PTPRN2: variants seen among roughly 807,000 people sequenced by gnomAD.
PTPRN2 encodes the protein protein tyrosine phosphatase receptor type N2, also known as receptor-type tyrosine-protein phosphatase N2.
PTPRN2 carries 74 observed loss-of-function variants against 118.8 expected under a neutral mutation model. That is an observed-to-expected ratio of 0.62 (90% CI 0.52 to 0.76). The LOEUF (loss-of-function observed/expected upper bound fraction) is 0.76, where lower values mean the gene tolerates loss of function less well. Among genes scored for constraint, PTPRN2 ranks in the 30% least tolerant of loss-of-function variants. The pLI, the probability that PTPRN2 is intolerant of heterozygous loss-of-function variation, is 0.00. For missense variants in PTPRN2, 1,481 were observed against 1,394.4 expected (o/e 1.06, Z -0.99); for synonymous variants, 641 against 608.0 (o/e 1.05, Z -0.80).
At chr7:158,181,338 G>A (rs1407874805) in intron 5 of PTPRN2, among the ~76,000 whole-genome samples, 1 of 152,168 alleles carries the variant, frequency 6.6e-6, no homozygotes, top group Admixed American at 6.5e-5. Flanking sequence ...GGTTCAGTCA[G>A]CTAGTATTTC....
chr7:158,520,272 T>C (rs1823885845), intron 1 of PTPRN2, among the ~76,000 whole-genome samples: 1 of 152,190 alleles, frequency 6.6e-6, no homozygotes, highest in African/African-American at 2.4e-5. Context: ...TCTCACACCG[T>C]CCCTTCTAGA....
At chr7:158,140,431 A>C (rs1819264224) in intron 6 of PTPRN2, among the ~76,000 whole-genome samples, 1 of 152,242 alleles carries the variant, frequency 6.6e-6, no homozygotes, top group Non-Finnish European at 1.5e-5. Flanking sequence ...CTGACTCCTC[A>C]TAGTTCCACA....
chr7:157,981,343 C>CGGG (rs1803130020), intron 11 of PTPRN2, among the ~76,000 whole-genome samples: 2 of 148,980 alleles, frequency 1.3e-5, no homozygotes, highest in African/African-American at 5.2e-5. Flanking sequence ...CCTGCTATTC[C>CGGG]AGGACAGGTG....
chr7:157,575,116 G>C (rs1799962542), intron 19 of PTPRN2, among the ~76,000 whole-genome samples: 1 of 152,132 alleles, frequency 6.6e-6, no homozygotes, highest in South Asian at 2.1e-4. Context: ...TCCATATATG[G>C]ATATGGACAT....
chr7:158,081,228 G>A (rs1449726718), intron 11 of PTPRN2, 70 bp downstream of exon 11: 9 of 1,406,174 alleles, frequency 6.4e-6, no homozygotes, highest in African/African-American at 2.8e-5. Context: ...CTGTGCATGT[G>A]CGTGTTTGCG....
chr7:158,005,256 T>C (rs1160135581), intron 11 of PTPRN2, among the ~76,000 whole-genome samples: 1 of 152,044 alleles, frequency 6.6e-6, no homozygotes, highest in Non-Finnish European at 1.5e-5. Flanking sequence ...GTATTTTTAG[T>C]AGAGATGGGG....
At chr7:157,698,026 A>G (rs916660155) in intron 12 of PTPRN2, among the ~76,000 whole-genome samples, 4 of 152,258 alleles carry the variant, frequency 2.6e-5, no homozygotes, top group South Asian at 4.2e-4. Flanking sequence ...CTCACCATCT[A>G]CCCATGCATA....
At chr7:157,684,639 A>G (rs1021369699) in intron 12 of PTPRN2, among the ~76,000 whole-genome samples, 2 of 147,762 alleles carry the variant, frequency 1.4e-5, no homozygotes, top group Non-Finnish European at 3.0e-5. Flanking sequence ...CTCTTCCAGA[A>G]AGAAGTCACT....
At chr7:157,755,624 A>G (rs1801734949) in intron 12 of PTPRN2, among the ~76,000 whole-genome samples, 1 of 152,188 alleles carries the variant, frequency 6.6e-6, no homozygotes, top group African/African-American at 2.4e-5. Context: ...TAATGCAGAA[A>G]CAGAAAACCA....
At chr7:158,251,625 T>C (rs1206339230) in intron 3 of PTPRN2, among the ~76,000 whole-genome samples, 1 of 119,754 alleles carries the variant, frequency 8.4e-6, no homozygotes, top group Non-Finnish European at 1.7e-5. Context: ...AGGTGTGCAA[T>C]GGATGTCTAT....
intron 12 of PTPRN2, among the ~76,000 whole-genome samples, chr7:157,837,312 G>A (rs930831460): frequency 1.4e-4 from 8 of 55,586 alleles, no homozygotes; most frequent in African/African-American, 5.5e-4. Context: ...CCTGCCCATC[G>A]ACACGTCCCT....
chr7:157,702,938 C>T (rs985311501), intron 12 of PTPRN2, among the ~76,000 whole-genome samples: 4 of 152,212 alleles, frequency 2.6e-5, no homozygotes, highest in Non-Finnish European at 5.9e-5. Context: ...TTTCAAGCTG[C>T]TGCTGTTGGA....
Position 158,022,320 on chromosome 7 carries a change from C to T in PTPRN2, c.1723+58978G>A, listed in dbSNP as rs1806942837. Among the ~76,000 whole-genome samples the T allele has an allele frequency of 6.6e-6, 1 of 152,220 alleles. No homozygotes were observed. Among genetic ancestry groups the T allele is most frequent in the African/African-American group, 2.4e-5 (1 of 41,468 alleles). On this transcript the variant is annotated intron_variant, in intron 11 of 22. Coordinates refer to ENST00000389418, the MANE Select transcript of PTPRN2 (RefSeq NM_002847.5). The surrounding 1 kb of genome is among the most constrained non-coding windows in gnomAD (Gnocchi z 4.6). ...GTTTTCCATCCTTCCTGACGGCCTC[C>T]ACCACGAGACTTCAGGTCATCCTTT...
intron 12 of PTPRN2, among the ~76,000 whole-genome samples, chr7:157,812,081 C>T (rs554671682): frequency 1.1e-4 from 17 of 152,294 alleles, no homozygotes; most frequent in Non-Finnish European, 1.5e-4. Flanking sequence ...AGGGTTTGGC[C>T]GGGCTCCCCT....
chr7:158,256,644 C>T (rs1254195649), intron 3 of PTPRN2, among the ~76,000 whole-genome samples: 2 of 152,036 alleles, frequency 1.3e-5, no homozygotes, highest in African/African-American at 4.8e-5. Context: ...GGGCAGGACT[C>T]AAGCAGCTGG....
chr7:158,035,851 C>T (rs1252798338), intron 11 of PTPRN2, among the ~76,000 whole-genome samples: 2 of 152,134 alleles, frequency 1.3e-5, no homozygotes, highest in Non-Finnish European at 2.9e-5. Context: ...AAAAGAAAGA[C>T]ATCAAAGACA....
In PTPRN2 at chr7:158,438,552, T is replaced by A. The variant is rs1057346557; in HGVS notation, c.163+51183A>T. Among the ~76,000 whole-genome samples, 10 of 152,250 alleles carry A rather than the reference T, an allele frequency of 6.6e-5. No individual in the cohort carries two copies. The highest frequency in any genetic ancestry group is 6.5e-4 in the Admixed American group (10 of 15,292). On this transcript the variant is annotated intron_variant, in intron 2 of 22. Transcript: ENST00000389418. The surrounding 1 kb of genome is among the most constrained non-coding windows in gnomAD (Gnocchi z 4.7). ...TCCCCAAAGCAGGCATTCTGTGGAT[T>A]TTACCCAGCACTTCTAGTTGTTCCC...
intron 13 of PTPRN2, among the ~76,000 whole-genome samples, chr7:157,672,007 G>A (rs1376874174): frequency 6.6e-6 from 1 of 152,178 alleles, no homozygotes; most frequent in Non-Finnish European, 1.5e-5. Flanking sequence ...TGGAGGGAGT[G>A]TGAGGGTTTT....
At chr7:158,092,631 A>G (rs1814289113) in intron 10 of PTPRN2, among the ~76,000 whole-genome samples, 1 of 152,126 alleles carries the variant, frequency 6.6e-6, no homozygotes, top group Non-Finnish European at 1.5e-5. Context: ...TCTGTTTCTT[A>G]GTCAGTATTA....
Sources: allele counts gnomAD v4.1 joint callset (sites outside exome capture counted in the v4.1 genomes callset), GRCh38; gene constraint gnomAD v4.1.1; non-coding constraint Gnocchi (gnomAD v3.1); transcripts MANE v1.5; gene names NCBI Gene and HGNC (gene_info 2026-07-23, HGNC 2026-07-21).